The following PCDHA4 variants were observed in gnomAD, a reference collection of about 807,000 sequenced individuals.
The protein encoded by PCDHA4 is protocadherin alpha-4.
A neutral mutation model predicts 61.4 loss-of-function variants in PCDHA4; 49 were observed. That is an observed-to-expected ratio of 0.80 (90% CI 0.63 to 1.01). The LOEUF is 1.01. Among genes scored for constraint, PCDHA4 ranks in the 50% least tolerant of loss-of-function variants. PCDHA4 has a pLI of 0.00. For synonymous variants in PCDHA4, 590 were observed against 550.3 expected (o/e 1.07, Z -1.01); for missense variants, 1,254 against 1,235.8 (o/e 1.01, Z -0.22).
chr5:140,829,742 C>T (rs1770532767), intron 1 of PCDHA4: 2 of 1,613,562 alleles, frequency 1.2e-6, no homozygotes, highest in Admixed American at 1.7e-5. Flanking sequence ...CAACGTGACG[C>T]TGCAGGTGTT....
chr5:140,855,802 G>A (rs1329894390), intron 1 of PCDHA4: 2 of 477,954 alleles, frequency 4.2e-6, no homozygotes, highest in East Asian at 6.4e-5. Flanking sequence ...ACATATGAAT[G>A]AAAGAAAAGT....
In PCDHA4 at chr5:140,836,669, G is replaced by A. The variant is rs142732506; in HGVS notation, c.2385+27097G>A. ...GGCGGCAGAGGGTGTGCTCTGGGGA[G>A]GGCCCACCCAAGACAGACCTCATGG... On this transcript the variant is annotated intron_variant, in intron 1 of 3. Coordinates refer to ENST00000530339, the MANE Select transcript of PCDHA4 (RefSeq NM_018907.4). The A allele has an allele frequency of 2.5e-6, 4 of 1,613,470 alleles. No homozygotes were observed. In the East Asian group the frequency reaches 8.9e-5, roughly 36 times the overall value.
chr5:140,969,363 C>T, intron 1 of PCDHA4: 2 of 1,610,732 alleles, frequency 1.2e-6, no homozygotes, highest in Non-Finnish European at 8.5e-7. Context: ...CTTCTACAAA[C>T]TCATGCATTT....
rs1005130215 is a variant in PCDHA4 at position 140,976,643 on chromosome 5, A to G, written c.2386-2306A>G. On this transcript the variant is annotated intron_variant, in intron 1 of 3. Coordinates refer to ENST00000530339, the MANE Select transcript of PCDHA4 (RefSeq NM_018907.4). ...AGCTGAACTCAGCAATCAGACAAGT[A>G]ATTTAATCTCTCCAAAGTTCAGATG... Among the ~76,000 whole-genome samples the G allele has an allele frequency of 2.0e-5, 3 of 152,236 alleles. No homozygotes were observed. In the South Asian group the frequency reaches 6.2e-4, roughly 31 times the overall value.
At chr5:140,856,713 C>T in intron 1 of PCDHA4, 1 of 1,596,470 alleles carries the variant, frequency 6.3e-7, no homozygotes, top group Non-Finnish European at 8.6e-7. Context: ...CCTGAATTTA[C>T]CGGATCTGTT....
intron 1 of PCDHA4, chr5:140,847,470 C>T (rs2150400882): frequency 3.3e-5 from 5 of 149,674 alleles, no homozygotes; most frequent in African/African-American, 1.2e-4. Context: ...TCGACTTGGA[C>T]GTTGGAATAA....
intron 3 of PCDHA4, among the ~76,000 whole-genome samples, chr5:141,002,460 C>T (rs1554258683): frequency 2.0e-5 from 3 of 152,174 alleles, no homozygotes; most frequent in African/African-American, 7.2e-5. Context: ...ATTTGTATAA[C>T]GCTTTAGCAT....
At chr5:140,819,566 T>G (rs1437809620) in intron 1 of PCDHA4, among the ~76,000 whole-genome samples, 1 of 152,138 alleles carries the variant, frequency 6.6e-6, no homozygotes, top group Non-Finnish European at 1.5e-5. Flanking sequence ...GAAAATAGCT[T>G]AGAAGAAGAT....
At chr5:140,834,720 C>G in intron 1 of PCDHA4, 1 of 1,614,234 alleles carries the variant, frequency 6.2e-7, no homozygotes, top group Non-Finnish European at 8.5e-7. Context: ...CGTGGAAAGG[C>G]CGCTGCAGGT....
Position 140,952,580 on chromosome 5 carries a change from A to G in PCDHA4, c.2386-26369A>G, listed in dbSNP as rs538999222. ...ATCAGCACTTCGGTCCCAATCATTCAAGTAGTCTCTAGGAAGTTCTAAGCT... is the reference window on the plus strand; with the variant it reads ...ATCAGCACTTCGGTCCCAATCATTCGAGTAGTCTCTAGGAAGTTCTAAGCT... On this transcript the variant is annotated intron_variant, in intron 1 of 3. Transcript: ENST00000530339. Among the ~76,000 whole-genome samples the G allele has an allele frequency of 2.0e-4, 30 of 152,248 alleles. No homozygotes were observed. In the South Asian group the frequency reaches 2.3e-3, roughly 12 times the overall value.
At chr5:140,831,281 C>G (rs1312764536) in intron 1 of PCDHA4, 1 of 152,158 alleles carries the variant, frequency 6.6e-6, no homozygotes, top group Non-Finnish European at 1.5e-5. Context: ...ATGGTCTTCT[C>G]TTCATGGAGT....
intron 1 of PCDHA4, among the ~76,000 whole-genome samples, chr5:140,951,382 G>A (rs246042): frequency 0.56 from 85,615 of 151,810 alleles, 24,753 homozygotes; most frequent in African/African-American, 0.69. Context: ...CCCAAGACTC[G>A]GTAATTTATA....
chr5:141,003,086 G>T (rs782184121), intron 3 of PCDHA4, among the ~76,000 whole-genome samples: 7 of 152,194 alleles, frequency 4.6e-5, no homozygotes, highest in Non-Finnish European at 1.0e-4. Flanking sequence ...GAGTTTAACA[G>T]GCCTGGCATT....
At position 140,828,267 on chromosome 5, in the gene PCDHA4, T is replaced by C. The variant is rs2150153311; in HGVS notation, c.2385+18695T>C. The C allele has an allele frequency of 5.0e-6, 8 of 1,613,938 alleles. No individual in the cohort carries two copies. The South Asian group carries it at 8.8e-5, about 18-fold the overall frequency. ...GACCTGGGGCTGGAGCTGGCGGAGC[T>C]GGTGCCGCGCCTGTTCAGGATGGCC... On this transcript the variant is annotated intron_variant, in intron 1 of 3. Transcript: ENST00000530339.
intron 1 of PCDHA4, chr5:140,848,396 G>A: frequency 7.8e-7 from 1 of 1,284,596 alleles, no homozygotes; most frequent in Non-Finnish European, 1.1e-6. Flanking sequence ...TCTCTGTGCT[G>A]AACGATGGCG....
At position 140,835,793 on chromosome 5, in the gene PCDHA4, G is replaced by A. The variant is rs17844310; in HGVS notation, c.2385+26221G>A. The A allele has an allele frequency of 5.6e-5, 90 of 1,613,102 alleles. 1 individual carries two copies. The East Asian group carries it at 1.8e-3, about 33-fold the overall frequency. On this transcript the variant is annotated intron_variant, in intron 1 of 3. Transcript: ENST00000530339. ...TGTTCGTGAAGGAGAACAACCCGCC[G>A]GGCTGCCACATCTTCACTGTGTCGG... is the stretch of plus-strand genomic sequence containing the variant.
At chr5:140,956,594 T>C (rs2095295015) in intron 1 of PCDHA4, among the ~76,000 whole-genome samples, 1 of 152,210 alleles carries the variant, frequency 6.6e-6, no homozygotes, top group Non-Finnish European at 1.5e-5. Flanking sequence ...TTATCAGGGA[T>C]ATCAGCTGGA....
intron 1 of PCDHA4, chr5:140,966,280 G>A (rs782249047): frequency 2.0e-4 from 74 of 365,660 alleles, no homozygotes; most frequent in Middle Eastern, 6.9e-4. Context: ...CTGGACAGTG[G>A]GGGTAGGGAG....
At chr5:140,972,871 C>G (rs1436283252) in intron 1 of PCDHA4, among the ~76,000 whole-genome samples, 1 of 152,030 alleles carries the variant, frequency 6.6e-6, no homozygotes, top group Non-Finnish European at 1.5e-5. Flanking sequence ...ATCATGTTGT[C>G]CAGGATGGTC....
Sources: gnomAD v4.1 joint callset for allele counts (sites outside exome capture counted in the v4.1 genomes callset) on GRCh38, gnomAD v4.1.1 for gene constraint, MANE v1.5 for transcripts, NCBI Gene and HGNC (gene_info 2026-07-23, HGNC 2026-07-21) for gene names.